Variants in TRAK1 observed in about 807,000 individuals in gnomAD.
TRAK1 encodes the protein trafficking kinesin protein 1, also known as trafficking kinesin-binding protein 1.
In TRAK1, 33 loss-of-function variants were observed where a neutral mutation model predicts 92.1. That is an observed-to-expected ratio of 0.36 (90% confidence interval 0.27 to 0.48). TRAK1 has a LOEUF of 0.48. Among genes scored for constraint, TRAK1 ranks in the 20% least tolerant of loss-of-function variants. The pLI is 0.99. For synonymous variants in TRAK1, 521 were observed against 517.3 expected (o/e 1.01, Z -0.10); for missense variants, 1,123 against 1,257.9 (o/e 0.89, Z 1.62).
chr3:42,145,527 T>C (rs1326118498), intron 2 of TRAK1: 1 of 152,390 alleles, frequency 6.6e-6, no homozygotes, highest in Non-Finnish European at 1.5e-5. Flanking sequence ...AACAAAGATC[T>C]TTGATATGAT....
chr3:42,137,731 G>C (rs1370284036), intron 2 of TRAK1, among the ~76,000 whole-genome samples: 1 of 152,178 alleles, frequency 6.6e-6, no homozygotes, highest in Non-Finnish European at 1.5e-5. Flanking sequence ...GGGTAACGCT[G>C]CTTTATAGTG....
chr3:42,110,032 A>G (rs1167942801), intron 1 of TRAK1, among the ~76,000 whole-genome samples: 4 of 139,088 alleles, frequency 2.9e-5, no homozygotes, highest in East Asian at 2.1e-4. Flanking sequence ...GCACACCAAC[A>G]TGGCACATGT....
At chr3:42,013,581 G>A (rs567554644), upstream of TRAK1, among the ~76,000 whole-genome samples, 22 of 150,584 alleles carry the variant, frequency 1.5e-4, no homozygotes, top group East Asian at 2.2e-3. This position sits in a 1 kb window ranked among gnomAD's most constrained non-coding sequence, Gnocchi z 5.1. Flanking sequence ...GGGCTGGGAA[G>A]GGGGAGGGCT....
intron 2 of TRAK1, among the ~76,000 whole-genome samples, chr3:42,133,964 A>G (rs1697549546): frequency 6.6e-6 from 1 of 152,210 alleles, no homozygotes; most frequent in Admixed American, 6.5e-5. Flanking sequence ...AATACTATTG[A>G]TGAAATAATA....
intron 2 of TRAK1, among the ~76,000 whole-genome samples, chr3:42,126,145 C>CTT (rs777698681): frequency 6.9e-6 from 1 of 144,856 alleles, no homozygotes. Flanking sequence ...TGGGAGCCAA[C>CTT]TTTTTTTTTT....
At chr3:42,216,429 C>T (rs1428645139) in intron 14 of TRAK1, among the ~76,000 whole-genome samples, 1 of 152,188 alleles carries the variant, frequency 6.6e-6, no homozygotes, top group Non-Finnish European at 1.5e-5. Context: ...CTACTCCAGG[C>T]AGAAGGCTCA....
Position 42,078,769 on chromosome 3 carries a change from A to AAAAG in TRAK1, c.-518-8313_-518-8310dup, listed in dbSNP as rs1553709701. On this transcript the variant is annotated intron_variant, in intron 1 of 16. Coordinates refer to the TRAK1 transcript ENST00000487159. ...TTCCATCTCAAAAAAAAAAAAAAAA[A>AAAAG]AAAGAAAGAAAGAAAGAAAGAAAGA... 7.4e-3 allele frequency among the ~76,000 whole-genome samples: 1,065 copies of AAAAG among 144,032 alleles called. 8 individuals are homozygous for AAAAG. Among genetic ancestry groups the AAAAG allele is most frequent in the Middle Eastern group, 0.014 (4 of 286 alleles). 94.5% of individuals were successfully genotyped at this position (144,032 alleles called of 152,430 possible). A position where few individuals can be genotyped will look rare whatever the true frequency, so the allele number is the denominator to read the frequency against.
intron 2 of TRAK1, among the ~76,000 whole-genome samples, chr3:42,159,251 T>C (rs1340814308): frequency 6.6e-6 from 1 of 152,182 alleles, no homozygotes; most frequent in East Asian, 1.9e-4. Flanking sequence ...CTCTCTTGGC[T>C]ACCTGGGGGA....
chr3:42,174,464 C>A (rs928199469), intron 2 of TRAK1, among the ~76,000 whole-genome samples: 2 of 151,876 alleles, frequency 1.3e-5, no homozygotes, highest in Admixed American at 6.6e-5. Flanking sequence ...ATTGGGGGAA[C>A]TGGATAAAGG....
intron 11 of TRAK1, among the ~76,000 whole-genome samples, chr3:42,199,541 G>A (rs906477026): frequency 5.3e-5 from 8 of 152,096 alleles, no homozygotes; most frequent in East Asian, 3.9e-4. Flanking sequence ...CTGCAGCCTC[G>A]AACTCCTAGG....
At chr3:42,194,745 A>T in intron 9 of TRAK1, 59 bp from the exon 10 acceptor site, 1 of 1,587,084 alleles carries the variant, frequency 6.3e-7, no homozygotes, top group Non-Finnish European at 8.6e-7. Flanking sequence ...GGATGGGCAG[A>T]TGTGTGTACA....
intron 2 of TRAK1, among the ~76,000 whole-genome samples, chr3:42,138,203 ACT>A (rs1315882712): frequency 2.6e-5 from 4 of 152,132 alleles, no homozygotes; most frequent in Non-Finnish European, 5.9e-5. Flanking sequence ...TATGCACTTA[ACT>A]CTCTAAGCAT....
chr3:42,128,967 T>C (rs937413401), intron 2 of TRAK1, among the ~76,000 whole-genome samples: 1 of 152,264 alleles, frequency 6.6e-6, no homozygotes, highest in Admixed American at 6.5e-5. Context: ...GAAGCACTTA[T>C]CAGATATCAC....
At chr3:42,140,061 CCTT>C (rs1196929312) in intron 2 of TRAK1, among the ~76,000 whole-genome samples, 1 of 152,140 alleles carries the variant, frequency 6.6e-6, no homozygotes, top group African/African-American at 2.4e-5. Context: ...TTCTCTCTGT[CCTT>C]CTCAGAGGTA....
intron 2 of TRAK1, among the ~76,000 whole-genome samples, chr3:42,138,049 T>C (rs1268677758): frequency 6.6e-6 from 1 of 152,196 alleles, no homozygotes; most frequent in African/African-American, 2.4e-5. Context: ...TATTGCAAAA[T>C]AGGCATTAAG....
At chr3:42,018,473 A>G (rs1701611242) in intron 1 of TRAK1, among the ~76,000 whole-genome samples, 1 of 152,206 alleles carries the variant, frequency 6.6e-6, no homozygotes. Flanking sequence ...TGGATTTTGT[A>G]CTAACATCCG....
chr3:42,197,094 A>C (rs1214313733), intron 10 of TRAK1, among the ~76,000 whole-genome samples: 1 of 151,850 alleles, frequency 6.6e-6, no homozygotes, highest in African/African-American at 2.4e-5. Flanking sequence ...TTATTTGCCT[A>C]AAAATATTAT....
intron 15 of TRAK1, 122 bp from the exon 16 acceptor site, chr3:42,222,820 T>G (rs1022906234): frequency 9.9e-7 from 1 of 1,005,682 alleles, no homozygotes; most frequent in Non-Finnish European, 1.5e-6. Flanking sequence ...GGGCCTCAGC[T>G]GGTGGAACCC....
intron 4 of TRAK1, among the ~76,000 whole-genome samples, chr3:42,185,763 C>T (rs903657830): frequency 1.3e-5 from 2 of 151,662 alleles, no homozygotes; most frequent in Non-Finnish European, 2.9e-5. Flanking sequence ...CTTCCACCCC[C>T]CGAGTTCAAG....
Sources: gnomAD v4.1 joint callset for allele counts (sites outside exome capture counted in the v4.1 genomes callset) on GRCh38, gnomAD v4.1.1 for gene constraint, Gnocchi (gnomAD v3.1) non-coding constraint, MANE v1.5 for transcripts, NCBI Gene and HGNC (gene_info 2026-07-23, HGNC 2026-07-21) for gene names.